The following FGF14 variants were observed in gnomAD, a reference collection of about 807,000 sequenced individuals.
FGF14 encodes fibroblast growth factor homologous factor 4.
Under a neutral mutation model 25.5 loss-of-function variants are expected in FGF14, and 5 were observed. The observed-to-expected ratio is 0.20, with a 90% CI of 0.10 to 0.41. The LOEUF (loss-of-function observed/expected upper bound fraction) is 0.41, where lower values mean the gene tolerates loss of function less well. Ranked by LOEUF, FGF14 falls within the 10% of genes least tolerant of loss-of-function variation. FGF14 has a pLI of 1.00. For missense variants in FGF14, 222 were observed against 320.1 expected (o/e 0.69, Z 2.34); for synonymous variants, 138 against 118.3 (o/e 1.17, Z -1.08).
At chr13:101,940,301 G>C (rs2035364193) in intron 1 of FGF14, among the ~76,000 whole-genome samples, 1 of 152,194 alleles carries the variant, frequency 6.6e-6, no homozygotes, top group African/African-American at 2.4e-5. Context: ...TCTTCCTCTG[G>C]AAGTATGCAA....
chr13:102,183,851 A>G (rs1221732923), intron 1 of FGF14, among the ~76,000 whole-genome samples: 4 of 152,160 alleles, frequency 2.6e-5, no homozygotes, highest in Non-Finnish European at 1.5e-5. Flanking sequence ...ACAGTTCCCT[A>G]GGGCTCAGAT....
intron 1 of FGF14, among the ~76,000 whole-genome samples, chr13:102,381,784 T>A (rs954592681): frequency 6.6e-6 from 1 of 152,218 alleles, no homozygotes; most frequent in Admixed American, 6.5e-5. Flanking sequence ...TAATATACAA[T>A]AATTTATTTC....
chr13:102,027,601 A>G (rs1442369486), intron 1 of FGF14, among the ~76,000 whole-genome samples: 2 of 152,108 alleles, frequency 1.3e-5, no homozygotes, highest in Non-Finnish European at 2.9e-5. Context: ...TCTCAAATCT[A>G]TGAGAAATGT....
At chr13:102,031,794 C>A (rs1394270992) in intron 1 of FGF14, among the ~76,000 whole-genome samples, 1 of 151,888 alleles carries the variant, frequency 6.6e-6, no homozygotes, top group East Asian at 1.9e-4. Context: ...GTATGTATAA[C>A]CCATGACAGG....
intron 1 of FGF14, among the ~76,000 whole-genome samples, chr13:102,171,176 C>A (rs8002848): frequency 1.1e-4 from 16 of 152,048 alleles, no homozygotes; most frequent in Admixed American, 8.5e-4. Context: ...AAAGATTTAA[C>A]GTATTGATCG....
chr13:101,779,481 G>A (rs868055441), intron 3 of FGF14, among the ~76,000 whole-genome samples: 7 of 152,020 alleles, frequency 4.6e-5, no homozygotes, highest in Non-Finnish European at 8.8e-5. Flanking sequence ...ACTAAGGCAC[G>A]TTTCCAAGAA....
At chr13:101,771,430 A>G (rs1201560029) in intron 3 of FGF14, among the ~76,000 whole-genome samples, 1 of 152,156 alleles carries the variant, frequency 6.6e-6, no homozygotes, top group East Asian at 1.9e-4. Context: ...GCTAAAAATC[A>G]GGATTAAAGC....
chr13:102,091,446 C>G (rs900912865), intron 1 of FGF14, among the ~76,000 whole-genome samples: 6 of 133,848 alleles, frequency 4.5e-5, no homozygotes, highest in African/African-American at 7.4e-5. Flanking sequence ...CATCACTCTA[C>G]GATGCTTCAG....
intron 1 of FGF14, among the ~76,000 whole-genome samples, chr13:102,227,996 T>A (rs1400503051): frequency 6.6e-6 from 1 of 152,224 alleles, no homozygotes; most frequent in Admixed American, 6.5e-5. Context: ...AAACTCTGCA[T>A]ATGATACTCT....
Position 101,913,650 on chromosome 13 carries a change from T to G in FGF14, c.193+2803A>C, listed in dbSNP as rs550038109. On this transcript the variant is annotated intron_variant, in intron 1 of 4. Coordinates refer to ENST00000376143, the MANE Select transcript of FGF14 (RefSeq NM_004115.4). ...TCTATGCCTCTTTTTTTTCTCCCAA[T>G]GGGACAATATTTTTTCCACCTCAAG... Among the ~76,000 whole-genome samples, 33 of 152,224 alleles carry G rather than the reference T, an allele frequency of 2.2e-4. 1 individual carries two copies. The South Asian group carries it at 6.4e-3, about 30-fold the overall frequency.
intron 1 of FGF14, among the ~76,000 whole-genome samples, chr13:101,977,318 A>G (rs995386010): frequency 3.2e-4 from 49 of 152,082 alleles, no homozygotes; most frequent in African/African-American, 1.1e-3. Flanking sequence ...AAACATAGCC[A>G]TTTCTGAGTT....
chr13:102,226,629 T>C (rs985755318), intron 1 of FGF14, among the ~76,000 whole-genome samples: 1 of 152,200 alleles, frequency 6.6e-6, no homozygotes, highest in Non-Finnish European at 1.5e-5. Context: ...AGTTCTGTCT[T>C]CATCTCTGAA....
intron 3 of FGF14, among the ~76,000 whole-genome samples, chr13:101,750,713 G>A (rs2037215933): frequency 2.0e-5 from 3 of 152,226 alleles, no homozygotes; most frequent in South Asian, 4.2e-4. Flanking sequence ...AAATGAGTTG[G>A]AAACTTACAT....
chr13:101,729,972 T>C (rs2035701374), intron 3 of FGF14, among the ~76,000 whole-genome samples: 1 of 152,218 alleles, frequency 6.6e-6, no homozygotes, highest in Non-Finnish European at 1.5e-5. Flanking sequence ...AATGGCCTGG[T>C]ACATTTGGAG....
Position 101,916,715 on chromosome 13 carries a change from AGGC to A in FGF14, c.-73_-71del. The A allele has an allele frequency of 7.3e-7, 1 of 1,362,356 alleles. No individual in the cohort carries two copies. The highest frequency in any genetic ancestry group is 9.7e-7 in the Non-Finnish European group (1 of 1,027,992). The allele number at this position is 1,362,356 out of a possible 1,614,324, so 84.4% of individuals were successfully genotyped here. ...GGCGAGCCGGGGGCACCGGAGGGGA[AGGC>A]GGCGGCGCAGACCGTGGCTCGCCCT... On this transcript the variant is annotated 5_prime_UTR_variant, in exon 1 of 5. Coordinates refer to ENST00000376143, the MANE Select transcript of FGF14 (RefSeq NM_004115.4).
chr13:101,753,549 A>G (rs973712297), intron 3 of FGF14, among the ~76,000 whole-genome samples: 1 of 152,152 alleles, frequency 6.6e-6, no homozygotes, highest in African/African-American at 2.4e-5. Flanking sequence ...TCACGCCTGT[A>G]ATCCCAGCAC....
chr13:102,039,222 T>G (rs2041615387), intron 1 of FGF14, among the ~76,000 whole-genome samples: 1 of 152,180 alleles, frequency 6.6e-6, no homozygotes, highest in Admixed American at 6.5e-5. Flanking sequence ...TCTGAGCCAC[T>G]CATATTTTCC....
chr13:101,738,860 C>A (rs1237764668), intron 3 of FGF14, among the ~76,000 whole-genome samples: 1 of 149,866 alleles, frequency 6.7e-6, no homozygotes, highest in Middle Eastern at 3.5e-3. Flanking sequence ...TATATATATA[C>A]CCACACACAC....
chr13:101,933,861 T>C (rs116259798), intron 1 of FGF14, among the ~76,000 whole-genome samples: 2,680 of 150,110 alleles, frequency 0.018, 84 homozygotes, highest in African/African-American at 0.061. Flanking sequence ...CTCATATGTA[T>C]ATATATTTGA....
Sources: allele counts gnomAD v4.1 joint callset (sites outside exome capture counted in the v4.1 genomes callset), GRCh38; gene constraint gnomAD v4.1.1; transcripts MANE v1.5; gene names NCBI Gene and HGNC (gene_info 2026-07-23, HGNC 2026-07-21).